Variants in NUS1 observed in about 807,000 individuals in gnomAD.
The protein encoded by NUS1 is NUS1 dehydrodolichyl diphosphate synthase subunit.
For missense variants in NUS1, 292 were observed against 382.9 expected, an observed-to-expected ratio of 0.76 and a Z score of 1.98; for synonymous variants, 135 against 155.2, an observed-to-expected ratio of 0.87 and a Z score of 0.97.
chr6:117,695,193 CAAAAAAAAAAAAAAAAA>C (rs58136219), intron 3 of NUS1, among the ~76,000 whole-genome samples: 2 of 55,230 alleles, frequency 3.6e-5, no homozygotes, highest in African/African-American at 8.2e-5. Context: ...GACCCTGTCT[CAAAAAAAAAAAAAAAAA>C]AAAAAAAAAA....
Position 117,676,102 on chromosome 6 carries a change from T to C in NUS1, c.415+17T>C. 6.5e-7 allele frequency: 1 copy of C among 1,549,996 alleles called. No homozygotes were observed. The highest frequency in any genetic ancestry group is 8.7e-7 in the Non-Finnish European group (1 of 1,146,952). On this transcript the variant is annotated intron_variant, in intron 1 of 4. Transcript: ENST00000368494. ...ACCACCAAGGTGAGGCCCGGTGCGG[T>C]GGTGGGGGGTGGCCGAGGCGTCTTG... is the stretch of plus-strand genomic sequence containing the variant.
At position 117,710,526 on chromosome 6, in the gene NUS1, C is replaced by A. The variant is rs1420778489; in HGVS notation, c.*3511C>A. The A allele has an allele frequency of 3.9e-5, 6 of 151,908 alleles. No homozygotes were observed. In the South Asian group the frequency reaches 1.3e-3, roughly 32 times the overall value. The allele number at this position is 151,908 out of a possible 1,614,324, so 9.4% of individuals were successfully genotyped here. On this transcript the variant is annotated 3_prime_UTR_variant, in exon 5 of 5. Transcript: ENST00000368494. ...GATTCAGAGAAACAAAGGAATGTAA[C>A]CTTATTGATTACATTTTTGGTGATC...
At chr6:117,698,744 T>C (rs892676055) in intron 3 of NUS1, among the ~76,000 whole-genome samples, 1 of 152,122 alleles carries the variant, frequency 6.6e-6, no homozygotes, top group Non-Finnish European at 1.5e-5. Context: ...CCAGTACCAC[T>C]GATAAATGTT....
At chr6:117,691,552 GATATAGATATATATAT>G (rs1207862431) in intron 1 of NUS1, among the ~76,000 whole-genome samples, 1 of 37,556 alleles carries the variant, frequency 2.7e-5, no homozygotes, top group Non-Finnish European at 6.7e-5. Context: ...CTGTGCCATA[GATATAGATATATATAT>G]ATATATATAT....
At chr6:117,693,452 A>T (rs2114687001) in intron 2 of NUS1, among the ~76,000 whole-genome samples, 1 of 152,322 alleles carries the variant, frequency 6.6e-6, no homozygotes, top group Non-Finnish European at 1.5e-5. Flanking sequence ...AAATAGAGGT[A>T]CAACTGGTTG....
intron 1 of NUS1, among the ~76,000 whole-genome samples, chr6:117,691,462 C>T (rs1259296068): frequency 6.6e-6 from 1 of 150,768 alleles, no homozygotes; most frequent in Non-Finnish European, 1.5e-5. Context: ...TAAAGCCTTC[C>T]TCACCAAAGG....
At chr6:117,703,473 C>G in intron 3 of NUS1, 132 bp from the exon 4 acceptor site, 1 of 682,170 alleles carries the variant, frequency 1.5e-6, no homozygotes, top group Non-Finnish European at 2.6e-6. Flanking sequence ...ACAGATAAAA[C>G]TTCTGAAGAA....
intron 1 of NUS1, among the ~76,000 whole-genome samples, chr6:117,690,784 G>A (rs184459759): frequency 1.3e-5 from 2 of 152,006 alleles, no homozygotes; most frequent in South Asian, 2.1e-4. Context: ...GAGGTCCGGA[G>A]GTCAAGACCA....
In NUS1 at chr6:117,693,068, T is replaced by A. The variant is rs1582470976; in HGVS notation, c.442T>A (p.Leu148Met). The A allele has an allele frequency of 1.2e-5, 19 of 1,606,764 alleles. 1 individual carries two copies. In the East Asian group the frequency reaches 3.8e-4, roughly 32 times the overall value. The change falls in exon 2 of 5, where the codon TTG becomes ATG. Residue 148 changes from leucine to methionine, a missense_variant. Physicochemically the swap from Leu to Met is conservative, Grantham distance 15. Coordinates refer to ENST00000368494, the MANE Select transcript of NUS1 (RefSeq NM_138459.5). The stretch of plus-strand genomic sequence containing the variant: ...TATTTTCAAAAGAAATAATTCCAGA[T>A]TGATGGATGAAATTTTAAAACAACA... ...QGIFKRNNSR[L>M]MDEILKQQQE...
chr6:117,693,820 A>G (rs892466447), intron 2 of NUS1, among the ~76,000 whole-genome samples: 2 of 152,204 alleles, frequency 1.3e-5, no homozygotes, highest in African/African-American at 4.8e-5. Flanking sequence ...GTGTATAAAT[A>G]TATACATGGA....
At chr6:117,691,475 A>T (rs75766015) in intron 1 of NUS1, among the ~76,000 whole-genome samples, 40 of 150,370 alleles carry the variant, frequency 2.7e-4, no homozygotes, top group African/African-American at 9.3e-4. Flanking sequence ...ACCAAAGGAG[A>T]CTTTTGTAAC....
intron 1 of NUS1, among the ~76,000 whole-genome samples, chr6:117,690,777 G>T (rs535770526): frequency 6.6e-6 from 1 of 151,930 alleles, no homozygotes; most frequent in African/African-American, 2.4e-5. Flanking sequence ...GGATCACGAG[G>T]TCCGGAGGTC....
chr6:117,706,300 A>C (rs1404616574), intron 4 of NUS1, among the ~76,000 whole-genome samples: 2 of 152,142 alleles, frequency 1.3e-5, no homozygotes, highest in African/African-American at 4.8e-5. Context: ...TGGCTACAAT[A>C]TTTCATCATG....
intron 1 of NUS1, among the ~76,000 whole-genome samples, chr6:117,691,461 C>T (rs932170445): frequency 6.6e-6 from 1 of 150,738 alleles, no homozygotes; most frequent in Non-Finnish European, 1.5e-5. Flanking sequence ...ATAAAGCCTT[C>T]CTCACCAAAG....
intron 1 of NUS1, among the ~76,000 whole-genome samples, chr6:117,679,043 GA>G (rs1184591370): frequency 6.6e-6 from 1 of 152,144 alleles, no homozygotes; most frequent in African/African-American, 2.4e-5. Context: ...ATTTAACTAT[GA>G]AAAATCCTAT....
In NUS1 at chr6:117,709,962, G is replaced by T. The variant is rs1231548205; in HGVS notation, c.*2947G>T. On this transcript the variant is annotated 3_prime_UTR_variant, in exon 5 of 5. Transcript: ENST00000368494. ...TGAAATATATTCTCACTTTTACCAG[G>T]TTAAACATTTGGAATCTTATAATGT... 2.0e-5 allele frequency: 3 copies of T among 152,152 alleles called. No homozygotes were observed. The highest frequency in any genetic ancestry group is 6.6e-5 in the Admixed American group (1 of 15,252). 9.4% of individuals were successfully genotyped at this position (152,152 alleles called of 1,614,324 possible).
intron 1 of NUS1, among the ~76,000 whole-genome samples, chr6:117,686,334 A>C (rs1015968142): frequency 1.8e-4 from 27 of 152,182 alleles, no homozygotes; most frequent in African/African-American, 6.5e-4. Context: ...TATTTATTTT[A>C]TAAAATTCAA....
chr6:117,691,648 T>C (rs923115401), intron 1 of NUS1, among the ~76,000 whole-genome samples: 7 of 147,504 alleles, frequency 4.7e-5, no homozygotes, highest in Admixed American at 2.7e-4. Context: ...ATTGATTTAA[T>C]ATATTTATAT....
intron 1 of NUS1, among the ~76,000 whole-genome samples, chr6:117,691,552 GATATAGATATATATATAT>G (rs1335289282): frequency 2.7e-5 from 1 of 37,556 alleles, no homozygotes; most frequent in African/African-American, 6.7e-5. Context: ...CTGTGCCATA[GATATAGATATATATATAT>G]ATATATATAT....
Sources: allele counts gnomAD v4.1 joint callset (sites outside exome capture counted in the v4.1 genomes callset), GRCh38; gene constraint gnomAD v4.1.1; transcripts MANE v1.5; gene names NCBI Gene and HGNC (gene_info 2026-07-23, HGNC 2026-07-21).